The following RAPGEF4 variants were observed in gnomAD, a reference collection of about 807,000 sequenced individuals.
RAPGEF4 encodes the protein RAP guanine-nucleotide-exchange factor (GEF) 4.
RAPGEF4 carries 66 observed loss-of-function variants against 147.9 expected under a neutral mutation model. That is an observed-to-expected ratio of 0.45 (90% CI 0.37 to 0.55). The LOEUF (loss-of-function observed/expected upper bound fraction) is 0.55. Among genes scored for constraint, RAPGEF4 ranks in the 20% least tolerant of loss-of-function variants. The pLI, the probability that RAPGEF4 is intolerant of heterozygous loss-of-function variation, is 0.00. For synonymous variants in RAPGEF4, 419 were observed against 442.7 expected, an observed-to-expected ratio of 0.95 and a Z score of 0.67; for missense variants, 1,071 against 1,257.3, an observed-to-expected ratio of 0.85 and a Z score of 2.24.
At chr2:172,993,499 G>C (rs890757696) in intron 15 of RAPGEF4, among the ~76,000 whole-genome samples, 3 of 152,120 alleles carry the variant, frequency 2.0e-5, no homozygotes, top group Admixed American at 2.0e-4. Flanking sequence ...TATGTCAGAG[G>C]TTTAAAACTT....
At chr2:172,878,538 G>A (rs1217539819) in intron 4 of RAPGEF4, among the ~76,000 whole-genome samples, 1 of 152,168 alleles carries the variant, frequency 6.6e-6, no homozygotes, top group East Asian at 1.9e-4. Context: ...GTTAAAAATT[G>A]TCGGGAAGAA....
At chr2:173,022,568 ACT>A (rs1246713027) in intron 23 of RAPGEF4, among the ~76,000 whole-genome samples, 6 of 152,004 alleles carry the variant, frequency 3.9e-5, no homozygotes, top group Non-Finnish European at 8.8e-5. Flanking sequence ...TGTTGGCCAC[ACT>A]CTCTGATCCA....
chr2:172,756,126 T>C (rs1245986939), intron 1 of RAPGEF4, among the ~76,000 whole-genome samples: 1 of 152,244 alleles, frequency 6.6e-6, no homozygotes, highest in South Asian at 2.1e-4. Context: ...TTTATTTCTA[T>C]AGGACTCTGC....
chr2:172,794,304 G>C (rs1391591949), intron 1 of RAPGEF4, among the ~76,000 whole-genome samples: 2 of 138,914 alleles, frequency 1.4e-5, no homozygotes, highest in Admixed American at 8.0e-5. Context: ...CCAAGATCAT[G>C]CCATTGCACT....
rs1290443109 is a variant in RAPGEF4, at chr2:172,960,812, A to G, written c.590A>G (p.Lys197Arg). The change falls in exon 7 of 31, where the codon AAG becomes AGG. Residue 197 changes from lysine (K) to arginine (R), a missense_variant and splice_region_variant. By Grantham distance (26) the Lys-to-Arg change is conservative. Coordinates refer to ENST00000397081, the MANE Select transcript of RAPGEF4 (RefSeq NM_007023.4). ...CTTCGTCCTGCTAACACCATTACCAAGGTAATGGGATGTAGGTGGGTTGAT... is the reference window on the plus strand; with the variant it reads ...CTTCGTCCTGCTAACACCATTACCAGGGTAATGGGATGTAGGTGGGTTGAT... ...VPLRPANTIT[K>R]VPSEKILRAG... The G allele has an allele frequency of 1.2e-6, 2 of 1,600,934 alleles. No homozygotes were observed. Among genetic ancestry groups the G allele is most frequent in the African/African-American group, 1.3e-5 (1 of 74,518 alleles).
At chr2:172,980,493 G>C (rs1349572017) in intron 10 of RAPGEF4, among the ~76,000 whole-genome samples, 3 of 152,174 alleles carry the variant, frequency 2.0e-5, no homozygotes, top group Non-Finnish European at 2.9e-5. Context: ...AAAAGACATT[G>C]AGGAGAAATG....
intron 29 of RAPGEF4, among the ~76,000 whole-genome samples, chr2:173,046,550 A>G (rs555051019): frequency 3.9e-5 from 6 of 152,362 alleles, no homozygotes; most frequent in Non-Finnish European, 7.3e-5. Flanking sequence ...TTCTACATGG[A>G]ATATACTTGT....
At position 173,014,514 on chromosome 2, in the gene RAPGEF4, C is replaced by T. The variant is rs749240190; in HGVS notation, c.1709C>T (p.Ala570Val). The change falls in exon 18 of 31, where the codon GCC becomes GTC. Residue 570 changes from alanine to valine, a missense_variant. Coordinates refer to ENST00000397081, the MANE Select transcript of RAPGEF4 (RefSeq NM_007023.4). Reference sequence around the variant, plus strand: ...ACAGAACAGGAGAAAATGGATTATGCCCTCAACAATAAGAGGCGAGTCATC... The same window carrying T: ...ACAGAACAGGAGAAAATGGATTATGTCCTCAACAATAAGAGGCGAGTCATC... ...QGTEQEKMDY[A>V]LNNKRRVIRL... 6.3e-5 allele frequency: 101 copies of T among 1,613,972 alleles called. No individual in the cohort carries two copies. In the Admixed American group the frequency reaches 1.7e-3, roughly 26 times the overall value.
rs748119426 is a variant in RAPGEF4, at chr2:172,965,598, G to A, written c.735G>A (p.Met245Ile). 5 of 1,613,576 alleles carry A rather than the reference G, an allele frequency of 3.1e-6. No individual in the cohort carries two copies. The East Asian group carries it at 6.7e-5, about 22-fold the overall frequency. ...CCVGTELVDW[M>I]MQQTPCVHSR... ...TGGGAACTGAACTGGTGGACTGGAT[G>A]ATGCAGCAGACACCATGTGTTCACT... The change falls in exon 9 of 31, where the codon ATG (methionine) becomes ATA (isoleucine). Residue 245 changes from methionine (M) to isoleucine (I), a missense_variant. Coordinates refer to ENST00000397081, the MANE Select transcript of RAPGEF4 (RefSeq NM_007023.4).
At chr2:172,948,150 G>A (rs183325423) in intron 6 of RAPGEF4, among the ~76,000 whole-genome samples, 88 of 152,298 alleles carry the variant, frequency 5.8e-4, no homozygotes, top group Non-Finnish European at 9.7e-4. Context: ...ACTACATGAT[G>A]TATTGTTCAT....
intron 14 of RAPGEF4, among the ~76,000 whole-genome samples, chr2:172,989,635 C>G (rs1307569248): frequency 6.6e-6 from 1 of 152,172 alleles, no homozygotes. Context: ...CTGCTTGAGG[C>G]CTGATCATGG....
chr2:172,890,933 C>A (rs1575149242), intron 4 of RAPGEF4, among the ~76,000 whole-genome samples: 1 of 152,114 alleles, frequency 6.6e-6, no homozygotes, highest in East Asian at 1.9e-4. Flanking sequence ...AGTTCGAGAC[C>A]AGCCTGGCCA....
chr2:172,765,004 G>C (rs112948686), intron 1 of RAPGEF4, among the ~76,000 whole-genome samples: 174 of 152,312 alleles, frequency 1.1e-3, no homozygotes, highest in African/African-American at 3.9e-3. Context: ...AGTTCTGGAG[G>C]CTAGAAATCT....
rs936023153 is a variant in RAPGEF4, at chr2:172,961,214, C to T, written c.684C>T (p.His228=). Residue 228 remains histidine, a synonymous_variant, in exon 8 of 31, where the codon CAC becomes CAT. Transcript: ENST00000397081. The part of the protein sequence containing the change: ...APHMIRDRKY[H]LKTYRQCCVG... ...ACATGATAAGAGATAGAAAATACCA[C>T]CTAAAGACATACAGGTATGTGTGCT... The T allele has an allele frequency of 2.5e-6, 4 of 1,599,070 alleles. No individual in the cohort carries two copies. In the African/African-American group the frequency reaches 4.0e-5, roughly 16 times the overall value.
At chr2:172,792,963 A>G (rs1194797932) in intron 1 of RAPGEF4, among the ~76,000 whole-genome samples, 3 of 152,220 alleles carry the variant, frequency 2.0e-5, no homozygotes, top group African/African-American at 7.2e-5. Context: ...CACAAACTGA[A>G]TGGTTTAAAA....
chr2:172,756,499 C>G (rs1022725329), intron 1 of RAPGEF4, among the ~76,000 whole-genome samples: 3 of 152,182 alleles, frequency 2.0e-5, no homozygotes, highest in Non-Finnish European at 4.4e-5. Flanking sequence ...TTCTGCTATA[C>G]CTGTCATATC....
intron 6 of RAPGEF4, among the ~76,000 whole-genome samples, chr2:172,948,783 C>T (rs1687932913): frequency 6.6e-6 from 1 of 152,018 alleles, no homozygotes; most frequent in Non-Finnish European, 1.5e-5. Flanking sequence ...AGAGGCACAA[C>T]ACACACTGGG....
intron 17 of RAPGEF4, among the ~76,000 whole-genome samples, chr2:173,012,647 A>G (rs1695136136): frequency 6.6e-6 from 1 of 152,190 alleles, no homozygotes; most frequent in Non-Finnish European, 1.5e-5. Context: ...TTTGGAAATG[A>G]TTTCTTCTCA....
intron 15 of RAPGEF4, among the ~76,000 whole-genome samples, chr2:172,991,376 A>G (rs1236208754): frequency 6.6e-6 from 1 of 152,192 alleles, no homozygotes; most frequent in Non-Finnish European, 1.5e-5. Context: ...CAGACTTCCA[A>G]TATAAAACAG....
Sources: gnomAD v4.1 joint callset for allele counts (sites outside exome capture counted in the v4.1 genomes callset) on GRCh38, gnomAD v4.1.1 for gene constraint, MANE v1.5 for transcripts, NCBI Gene and HGNC (gene_info 2026-07-23, HGNC 2026-07-21) for gene names.